The following ADAM17 variants were observed in gnomAD, a reference collection of about 807,000 sequenced individuals.
ADAM17 encodes the protein ADAM metallopeptidase domain 17.
In ADAM17, 39 loss-of-function variants were observed where a neutral mutation model predicts 96.7. That is an observed-to-expected ratio of 0.40 (90% confidence interval 0.31 to 0.53). The LOEUF is 0.53. Among genes scored for constraint, ADAM17 ranks in the 20% least tolerant of loss-of-function variants. The pLI, the probability that ADAM17 is intolerant of heterozygous loss-of-function variation, is 0.44. For missense variants in ADAM17, 777 were observed against 1,013.2 expected (o/e 0.77, Z 3.17); for synonymous variants, 344 against 359.2 (o/e 0.96, Z 0.48).
intron 10 of ADAM17, among the ~76,000 whole-genome samples, chr2:9,513,140 A>G (rs915851403): frequency 2.0e-5 from 3 of 152,074 alleles, no homozygotes; most frequent in African/African-American, 7.2e-5. Flanking sequence ...GATTATAGGC[A>G]TGCACCACCA....
chr2:9,524,717 T>C (rs535645247), intron 6 of ADAM17, among the ~76,000 whole-genome samples: 1 of 152,278 alleles, frequency 6.6e-6, no homozygotes, highest in African/African-American at 2.4e-5. Context: ...CACTGAGGAA[T>C]GGGTAAGAAG....
At chr2:9,510,778 T>C (rs529281753) in intron 10 of ADAM17, among the ~76,000 whole-genome samples, 9 of 151,630 alleles carry the variant, frequency 5.9e-5, no homozygotes, top group African/African-American at 2.2e-4. Context: ...GCTACAGTGA[T>C]CTATGATCAC....
intron 4 of ADAM17, among the ~76,000 whole-genome samples, chr2:9,535,472 G>A (rs1171900474): frequency 6.6e-6 from 1 of 152,132 alleles, no homozygotes; most frequent in African/African-American, 2.4e-5. Context: ...AGCATTTCCA[G>A]TGTGTCTAGC....
rs777632615 is a variant in ADAM17 at position 9,518,171 on chromosome 2, A to G, written c.1034T>C (p.Met345Thr). Reference protein sequence around the residue: ...AHLFTYQDFDMGTLGLAYVGS... With the variant: ...AHLFTYQDFDTGTLGLAYVGS... ...AACATAAGCTAATCCAAGAGTTCCC[A>G]TATCAAAATCTTGGTATGTGAAAAG... The change falls in exon 9 of 19, where the codon ATG becomes ACG. Residue 345 changes from methionine to threonine, a missense_variant. By Grantham distance (81) the Met-to-Thr change is moderately conservative. This residue lies in a region of ADAM17 where 446 missense variants were observed against 664.7 expected (regional missense o/e 0.67). Transcript: ENST00000310823. The G allele has an allele frequency of 6.8e-6, 11 of 1,607,736 alleles. No homozygotes were observed. Among genetic ancestry groups the G allele is most frequent in the Admixed American group, 3.4e-5 (2 of 58,764 alleles).
intron 12 of ADAM17, among the ~76,000 whole-genome samples, chr2:9,503,531 T>A (rs188865737): frequency 4.6e-5 from 7 of 152,334 alleles, no homozygotes; most frequent in East Asian, 3.9e-4. Context: ...TTAAATCTTA[T>A]CTCTGTTGCC....
intron 12 of ADAM17, among the ~76,000 whole-genome samples, chr2:9,502,879 CAAAAAAA>C (rs758081961): frequency 9.2e-5 from 4 of 43,594 alleles, no homozygotes; most frequent in East Asian, 7.6e-4. Context: ...AATTCTGTCT[CAAAAAAA>C]AAAAAAAAAA....
At chr2:9,514,064 T>C (rs541314172) in intron 10 of ADAM17, among the ~76,000 whole-genome samples, 1 of 151,254 alleles carries the variant, frequency 6.6e-6, no homozygotes, top group Non-Finnish European at 1.5e-5. Flanking sequence ...CAAAAGCTAA[T>C]TAGTGTCTTT....
intron 1 of ADAM17, among the ~76,000 whole-genome samples, chr2:9,549,500 A>G (rs1412716633): frequency 2.6e-5 from 4 of 152,246 alleles, no homozygotes; most frequent in Admixed American, 1.3e-4. Flanking sequence ...AAAGTGTTAT[A>G]TGAGAAGGTT....
Position 9,518,259 on chromosome 2 carries a change from CAAAAAAAAA to C in ADAM17, c.958-21_958-13del, listed in dbSNP as rs34863481. ...TCAAAGCTAAATTGCTTTGAAAGACCAAAAAAAAAAAAAAAAAAAAAAGCATTCTTAGAT... is the reference window on the plus strand; with the variant it reads ...TCAAAGCTAAATTGCTTTGAAAGACCAAAAAAAAAAAAAGCATTCTTAGAT... On this transcript the variant is annotated splice_polypyrimidine_tract_variant and intron_variant, in intron 8 of 18. Transcript: ENST00000310823. The C allele has an allele frequency of 3.1e-5, 25 of 817,270 alleles. No homozygotes were observed. Among genetic ancestry groups the C allele is most frequent in the South Asian group, 1.8e-4 (4 of 22,406 alleles). 50.6% of individuals were successfully genotyped at this position (817,270 alleles called of 1,614,324 possible).
rs772117994 is a variant in ADAM17 at position 9,502,137 on chromosome 2, C to T, written c.1648+36G>A. On this transcript the variant is annotated intron_variant, in intron 13 of 18. Transcript: ENST00000310823. ...TTTTCAAAGACACACACACACTTGA[C>T]CCACAGCATTCCAAGGAAGCAACAA... 6 of 1,547,452 alleles carry T rather than the reference C, an allele frequency of 3.9e-6. No individual in the cohort carries two copies. In the East Asian group the frequency reaches 1.3e-4, roughly 35 times the overall value.
chr2:9,493,960 A>G, intron 15 of ADAM17, 135 bp from the exon 16 acceptor site: 2 of 662,300 alleles, frequency 3.0e-6, no homozygotes, highest in East Asian at 2.9e-5. Context: ...ACACAAGGCA[A>G]TAACTTCCGC....
At chr2:9,499,672 G>A (rs1662884867) in intron 13 of ADAM17, among the ~76,000 whole-genome samples, 1 of 152,112 alleles carries the variant, frequency 6.6e-6, no homozygotes, top group South Asian at 2.1e-4. Flanking sequence ...AAAGTGCTAG[G>A]ATTACAGGTG....
At chr2:9,492,003 T>C (rs997559094) in intron 17 of ADAM17, among the ~76,000 whole-genome samples, 1 of 152,346 alleles carries the variant, frequency 6.6e-6, no homozygotes, top group East Asian at 1.9e-4. Context: ...TCAGCACAAG[T>C]GCTCCCTAGA....
chr2:9,503,081 G>A (rs1194090967), intron 12 of ADAM17, among the ~76,000 whole-genome samples: 4 of 148,020 alleles, frequency 2.7e-5, no homozygotes, highest in Non-Finnish European at 4.5e-5. Context: ...CAGAGGTTGC[G>A]GTGAGCCAAG....
chr2:9,492,591 A>G, intron 17 of ADAM17, among the ~76,000 whole-genome samples: 1 of 152,252 alleles, frequency 6.6e-6, no homozygotes, highest in East Asian at 1.9e-4. Context: ...ATGCTCTTCA[A>G]TAAGGGCTTT....
chr2:9,495,316 A>G (rs1662489514), intron 14 of ADAM17, among the ~76,000 whole-genome samples: 1 of 152,280 alleles, frequency 6.6e-6, no homozygotes. Context: ...GGCATCTGTG[A>G]GCCATGTGGG....
chr2:9,503,366 G>A (rs1303383110), intron 12 of ADAM17, among the ~76,000 whole-genome samples: 3 of 151,992 alleles, frequency 2.0e-5, no homozygotes, highest in African/African-American at 7.3e-5. Flanking sequence ...TGAAAACCTG[G>A]GTAACTTTCT....
Position 9,555,637 on chromosome 2 carries a change from T to G in ADAM17, c.-32A>C. 5 of 1,517,728 alleles carry G rather than the reference T, an allele frequency of 3.3e-6. No individual in the cohort carries two copies. The highest frequency in any genetic ancestry group is 2.5e-5 in the East Asian group (1 of 39,944). 94.0% of individuals were successfully genotyped at this position (1,517,728 alleles called of 1,614,324 possible). On this transcript the variant is annotated 5_prime_UTR_variant, in exon 1 of 19. Transcript: ENST00000310823. ...GGCCCCGCTACCGACTCCACCTCTC[T>G]GGGCAGCCTTCGCCTGACGGGGTTT...
At chr2:9,540,672 A>G (rs1665172179) in intron 2 of ADAM17, among the ~76,000 whole-genome samples, 1 of 152,200 alleles carries the variant, frequency 6.6e-6, no homozygotes, top group African/African-American at 2.4e-5. Flanking sequence ...CAATGAACCA[A>G]TCTCCTTAAT....
Sources: gnomAD v4.1 joint callset for allele counts (sites outside exome capture counted in the v4.1 genomes callset) on GRCh38, gnomAD v4.1.1 for gene constraint, gnomAD v4.1.1 regional missense constraint, MANE v1.5 for transcripts, NCBI Gene and HGNC (gene_info 2026-07-23, HGNC 2026-07-21) for gene names.